Variants in ASXL2 observed in about 807,000 individuals in gnomAD.
ASXL2 encodes the protein ASXL transcriptional regulator 2, also known as putative Polycomb group protein ASXL2.
Under a neutral mutation model 122.0 loss-of-function variants are expected in ASXL2, and 23 were observed. The observed-to-expected ratio is 0.19, with a 90% confidence interval of 0.14 to 0.27. ASXL2 has a LOEUF of 0.27. Among genes scored for constraint, ASXL2 ranks in the 10% least tolerant of loss-of-function variants. The pLI is 1.00. For missense variants in ASXL2, 1,518 were observed against 1,713.8 expected, an observed-to-expected ratio of 0.89 and a Z score of 2.02; for synonymous variants, 650 against 637.0, an observed-to-expected ratio of 1.02 and a Z score of -0.31.
Position 25,878,364 on chromosome 2 carries a change from A to T in ASXL2, c.-142T>A. On this transcript the variant is annotated 5_prime_UTR_variant, in exon 1 of 13. Coordinates refer to ENST00000435504, the MANE Select transcript of ASXL2 (RefSeq NM_018263.6). ...TCAGACCGGGGGGGCACCCAAGCAG[A>T]GGAAGCGGCGGGGGTGGTGCGCGGG... 8.1e-6 allele frequency: 5 copies of T among 619,208 alleles called. No homozygotes were observed. The highest frequency in any genetic ancestry group is 3.5e-5 in the East Asian group (1 of 28,412). The allele number at this position is 619,208 out of a possible 1,614,324, so 38.4% of individuals were successfully genotyped here.
chr2:25,838,154 A>G (rs566343522), intron 2 of ASXL2, among the ~76,000 whole-genome samples: 4 of 152,218 alleles, frequency 2.6e-5, no homozygotes, highest in East Asian at 3.9e-4. Flanking sequence ...CTGTACCTGT[A>G]TATTTTTATG....
At chr2:25,851,255 T>G (rs926412486) in intron 1 of ASXL2, among the ~76,000 whole-genome samples, 3 of 152,204 alleles carry the variant, frequency 2.0e-5, no homozygotes, top group East Asian at 1.9e-4. Flanking sequence ...CAAAGGTGAT[T>G]TGATTTCTGT....
rs2089081923 is a variant in ASXL2, at chr2:25,806,328, A to G, written c.153T>C (p.Ser51=). The G allele has an allele frequency of 1.2e-6, 2 of 1,610,464 alleles. No individual in the cohort carries two copies. Among genetic ancestry groups the G allele is most frequent in the East Asian group, 4.5e-5 (2 of 44,828 alleles). The part of the protein sequence containing the change: ...EGLKEIRSGT[S]PLACLNAMLH... ...GCATTGCATTCAGGCATGCAAGAGG[A>G]GAAGTCCCACTGCAAAACAAAGAAG... The change falls in exon 4 of 13, where the codon TCT becomes TCC. Residue 51 remains serine, a synonymous_variant. Coordinates refer to ENST00000435504, the MANE Select transcript of ASXL2 (RefSeq NM_018263.6).
chr2:25,759,331 G>T, intron 9 of ASXL2, 151 bp downstream of exon 9: 1 of 696,820 alleles, frequency 1.4e-6, no homozygotes, highest in South Asian at 2.5e-5. Context: ...AATTCTGGTA[G>T]GAGAATTTTT....
intron 1 of ASXL2, among the ~76,000 whole-genome samples, chr2:25,876,103 C>A (rs1366194205): frequency 3.9e-5 from 6 of 152,112 alleles, no homozygotes; most frequent in Non-Finnish European, 7.3e-5. Flanking sequence ...TTAGTGTCAT[C>A]ATTCTCTTTC....
At chr2:25,779,331 C>CAAGT (rs1227155901) in intron 5 of ASXL2, among the ~76,000 whole-genome samples, 2 of 152,048 alleles carry the variant, frequency 1.3e-5, no homozygotes, top group Admixed American at 1.3e-4. Flanking sequence ...CTCCAGATCT[C>CAAGT]AAGTAATCCA....
chr2:25,752,106 T>G (rs1386320148), intron 11 of ASXL2, among the ~76,000 whole-genome samples: 10 of 152,098 alleles, frequency 6.6e-5, no homozygotes, highest in Non-Finnish European at 2.9e-5. Flanking sequence ...AATAGGAATA[T>G]TTCCTAAATG....
At chr2:25,794,003 T>C (rs1416713005) in intron 5 of ASXL2, among the ~76,000 whole-genome samples, 1 of 152,196 alleles carries the variant, frequency 6.6e-6, no homozygotes, top group Non-Finnish European at 1.5e-5. Flanking sequence ...AAGGTCTCTC[T>C]CCATCTAAGT....
intron 1 of ASXL2, among the ~76,000 whole-genome samples, chr2:25,871,297 G>C (rs947516320): frequency 2.6e-5 from 4 of 152,074 alleles, no homozygotes; most frequent in African/African-American, 7.2e-5. Context: ...GTAGAGGGGG[G>C]GAAAAATGTC....
intron 6 of ASXL2, among the ~76,000 whole-genome samples, chr2:25,769,243 G>A (rs1461554540): frequency 2.0e-5 from 3 of 152,066 alleles, no homozygotes; most frequent in African/African-American, 2.4e-5. Context: ...GAGACAGTAC[G>A]TTTTCAATCA....
intron 1 of ASXL2, among the ~76,000 whole-genome samples, chr2:25,869,357 T>A (rs1423831829): frequency 6.6e-6 from 1 of 151,580 alleles, no homozygotes; most frequent in Non-Finnish European, 1.5e-5. Flanking sequence ...AAGAATGTTC[T>A]CTTTAATCTC....
chr2:25,856,063 T>A (rs1012741033), intron 1 of ASXL2, among the ~76,000 whole-genome samples: 4 of 151,136 alleles, frequency 2.6e-5, no homozygotes, highest in African/African-American at 9.7e-5. Context: ...CTAATTTTTG[T>A]TTTTTGTTTT....
intron 1 of ASXL2, among the ~76,000 whole-genome samples, chr2:25,849,887 T>G (rs2089696291): frequency 6.6e-6 from 1 of 152,178 alleles, no homozygotes; most frequent in Non-Finnish European, 1.5e-5. Flanking sequence ...TTTTTCAGAC[T>G]ACTTAAAGCT....
chr2:25,792,522 G>A (rs1049957900), intron 5 of ASXL2, among the ~76,000 whole-genome samples: 1 of 151,822 alleles, frequency 6.6e-6, no homozygotes, highest in African/African-American at 2.4e-5. Context: ...TCAAAAGATC[G>A]AGTTACTATT....
chr2:25,807,856 T>G (rs2089105733), intron 3 of ASXL2, among the ~76,000 whole-genome samples: 1 of 152,180 alleles, frequency 6.6e-6, no homozygotes, highest in Non-Finnish European at 1.5e-5. Context: ...CTGTTCCCTC[T>G]TCTTTGGAGA....
At chr2:25,833,911 C>T (rs558843613) in intron 3 of ASXL2, among the ~76,000 whole-genome samples, 1 of 152,158 alleles carries the variant, frequency 6.6e-6, no homozygotes, top group Non-Finnish European at 1.5e-5. Flanking sequence ...TTCTATCTAC[C>T]TGATCTCTGA....
At chr2:25,828,824 CAAAAAAAAAA>C (rs1031358836) in intron 3 of ASXL2, among the ~76,000 whole-genome samples, 42 of 50,142 alleles carry the variant, frequency 8.4e-4, no homozygotes, top group Non-Finnish European at 1.2e-3. Flanking sequence ...GACTGTGTCT[CAAAAAAAAAA>C]AAAAAAAAAA....
intron 1 of ASXL2, among the ~76,000 whole-genome samples, chr2:25,859,177 GT>G (rs34236477): frequency 0.32 from 48,611 of 151,264 alleles, 8,302 homozygotes; most frequent in African/African-American, 0.41. Flanking sequence ...CTAGGCTCAA[GT>G]TGATTCTCCT....
At chr2:25,866,727 A>G (rs1185106505) in intron 1 of ASXL2, among the ~76,000 whole-genome samples, 1 of 151,910 alleles carries the variant, frequency 6.6e-6, no homozygotes, top group Non-Finnish European at 1.5e-5. Flanking sequence ...AAATATATCA[A>G]TATTTACTTT....
Sources: allele counts gnomAD v4.1 joint callset (sites outside exome capture counted in the v4.1 genomes callset), GRCh38; gene constraint gnomAD v4.1.1; transcripts MANE v1.5; gene names NCBI Gene and HGNC (gene_info 2026-07-23, HGNC 2026-07-21).